Variants in ALDOB observed in about 807,000 individuals in gnomAD.
The protein encoded by ALDOB is aldolase, fructose-bisphosphate B, also known as fructose-bisphosphate aldolase B.
Under a neutral mutation model 41.0 loss-of-function variants are expected in ALDOB, and 39 were observed. The observed-to-expected ratio is 0.95, with a 90% CI of 0.74 to 1.24. The LOEUF (loss-of-function observed/expected upper bound fraction) is 1.24, where lower values mean the gene tolerates loss of function less well. Among genes scored for constraint, ALDOB ranks in the 50% most tolerant of loss-of-function variants. The pLI, the probability that ALDOB is intolerant of heterozygous loss-of-function variation, is 0.00. For synonymous variants in ALDOB, 175 were observed against 168.8 expected (o/e 1.04, Z -0.28); for missense variants, 530 against 457.3 (o/e 1.16, Z -1.45).
chr9:101,430,745 G>A (rs1245579643), intron 2 of ALDOB, 31 bp downstream of exon 2: 11 of 1,482,816 alleles, frequency 7.4e-6, no homozygotes, highest in African/African-American at 1.4e-5. Flanking sequence ...ATAATATGTT[G>A]TTATATGATG....
At position 101,425,025 on chromosome 9, in the gene ALDOB, C is replaced by T. The variant is rs775515266; in HGVS notation, c.817G>A (p.Gly273Ser). The change falls in exon 8 of 9, where the codon GGT (glycine) becomes AGT (serine). Residue 273 changes from glycine (G) to serine (S), a missense_variant. By Grantham distance (56) the Gly-to-Ser change is moderately conservative. Coordinates refer to ENST00000647789, the MANE Select transcript of ALDOB (RefSeq NM_000035.4). ...AAVPGICFLS[G>S]GMSEEDATLN... ...GTGGCATCCTCTTCACTCATGCCAC[C>T]AGACAAAAAGCAGATGCCTGGTAGG... 1 of 1,614,180 alleles carries T rather than the reference C, an allele frequency of 6.2e-7. No individual in the cohort carries two copies. The highest frequency in any genetic ancestry group is 1.1e-5 in the South Asian group (1 of 91,078).
At chr9:101,431,023 G>T in intron 1 of ALDOB, 126 bp from the exon 2 acceptor site, 2 of 714,598 alleles carry the variant, frequency 2.8e-6, no homozygotes, top group Non-Finnish European at 5.1e-6. Context: ...CATTTCCACA[G>T]GTGGATAAGC....
At chr9:101,423,246 C>T (rs1239863848) in intron 8 of ALDOB, among the ~76,000 whole-genome samples, 2 of 152,206 alleles carry the variant, frequency 1.3e-5, no homozygotes, top group Non-Finnish European at 2.9e-5. Context: ...GATTCCTTGC[C>T]TAGCTTCCTC....
At chr9:101,425,396 T>C in intron 7 of ALDOB, 57 bp downstream of exon 7, 1 of 1,590,644 alleles carries the variant, frequency 6.3e-7, no homozygotes, top group East Asian at 2.2e-5. Context: ...AGAAAGCTTG[T>C]GGCTCTCCAA....
chr9:101,425,394 T>C, intron 7 of ALDOB, 59 bp downstream of exon 7: 1 of 1,587,976 alleles, frequency 6.3e-7, no homozygotes, highest in South Asian at 1.1e-5. Flanking sequence ...ACAGAAAGCT[T>C]GTGGCTCTCC....
intron 7 of ALDOB, 79 bp downstream of exon 7, chr9:101,425,374 T>C (rs1302895845): frequency 6.5e-7 from 1 of 1,543,770 alleles, no homozygotes; most frequent in East Asian, 2.2e-5. Context: ...AGAAGCAGAT[T>C]TCTGGACAAA....
rs773439417 is a variant in ALDOB at position 101,425,433 on chromosome 9, G to C, written c.799+20C>G. 4 of 1,613,654 alleles carry C rather than the reference G, an allele frequency of 2.5e-6. No individual in the cohort carries two copies. The highest frequency in any genetic ancestry group is 8.5e-7 in the Non-Finnish European group (1 of 1,179,602). On this transcript the variant is annotated intron_variant, in intron 7 of 8. Transcript: ENST00000647789. The stretch of plus-strand genomic sequence containing the variant: ...GAATGAGGGCTAAGACCTTGAGTTA[G>C]AGAAGAAAGAAGGCCTTACCAGGAA...
Position 101,428,532 on chromosome 9 carries a change from A to T in ALDOB, c.325-9T>A. The T allele has an allele frequency of 2.5e-6, 4 of 1,611,436 alleles. No individual in the cohort carries two copies. Among genetic ancestry groups the T allele is most frequent in the Non-Finnish European group, 3.4e-6 (4 of 1,177,480 alleles). On this transcript the variant is annotated splice_polypyrimidine_tract_variant and intron_variant, in intron 3 of 8. Transcript: ENST00000647789. The stretch of plus-strand genomic sequence containing the variant: ...GCACCTCCTTGGTCTAACTGTGGAT[A>T]CAAATAATTAACAGGTGTCAGATGT...
rs774860216 is a variant in ALDOB at position 101,421,768 on chromosome 9, C to G, written c.*41G>C. 1 of 1,563,338 alleles carries G rather than the reference C, an allele frequency of 6.4e-7. No individual in the cohort carries two copies. The highest frequency in any genetic ancestry group is 2.2e-5 in the East Asian group (1 of 44,668). On this transcript the variant is annotated 3_prime_UTR_variant, in exon 9 of 9. Coordinates refer to ENST00000647789, the MANE Select transcript of ALDOB (RefSeq NM_000035.4). ...GGAAAAGTTGCTCCCTTTCAGCCCT[C>G]CTACTAGAAGCACTGGAGCTAGGCT...
chr9:101,424,791 C>T (rs904641585), intron 8 of ALDOB, 52 bp downstream of exon 8: 67 of 1,602,504 alleles, frequency 4.2e-5, no homozygotes, highest in Non-Finnish European at 5.6e-5. Context: ...GTTGGAAAGT[C>T]AAGCCCCAAA....
intron 6 of ALDOB, 97 bp from the exon 7 acceptor site, chr9:101,425,724 A>G: frequency 7.4e-7 from 1 of 1,349,242 alleles, no homozygotes; most frequent in Non-Finnish European, 1.1e-6. Context: ...GGATGAAGGA[A>G]TTCTTATTTG....
chr9:101,422,882 A>G (rs1831068995), intron 8 of ALDOB, among the ~76,000 whole-genome samples: 1 of 152,240 alleles, frequency 6.6e-6, no homozygotes, highest in Non-Finnish European at 1.5e-5. Flanking sequence ...ACAGATCTAT[A>G]CAATTATTGT....
In ALDOB at chr9:101,424,999, A is replaced by C. The variant is rs17852653; in HGVS notation, c.843T>G (p.Thr281=). The C allele has an allele frequency of 6.2e-7, 1 of 1,614,188 alleles. No individual in the cohort carries two copies. The highest frequency in any genetic ancestry group is 1.3e-5 in the African/African-American group (1 of 75,050). Residue 281 remains threonine, a synonymous_variant, in exon 8 of 9, where the codon ACT becomes ACG. Coordinates refer to ENST00000647789, the MANE Select transcript of ALDOB (RefSeq NM_000035.4). ...LSGGMSEEDA[T]LNLNAINLCP... ...AAAGGTTGATAGCATTGAGGTTGAGAGTGGCATCCTCTTCACTCATGCCAC... is the reference window on the plus strand; with the variant it reads ...AAAGGTTGATAGCATTGAGGTTGAGCGTGGCATCCTCTTCACTCATGCCAC...
intron 3 of ALDOB, among the ~76,000 whole-genome samples, chr9:101,429,400 C>G (rs184280777): frequency 9.9e-4 from 151 of 152,274 alleles, no homozygotes; most frequent in African/African-American, 3.4e-3. Context: ...CTCAAGCGAT[C>G]CTCTTGCCTC....
At chr9:101,431,540 C>T (rs1335785597) in intron 1 of ALDOB, among the ~76,000 whole-genome samples, 1 of 152,200 alleles carries the variant, frequency 6.6e-6, no homozygotes, top group Non-Finnish European at 1.5e-5. Context: ...TTGGGTTTCT[C>T]ACTGCCTATG....
intron 2 of ALDOB, among the ~76,000 whole-genome samples, chr9:101,430,505 T>C (rs1831200994): frequency 6.6e-6 from 1 of 152,184 alleles, no homozygotes; most frequent in Non-Finnish European, 1.5e-5. Context: ...GTATCTGACC[T>C]TATGCTAGTT....
rs754791588 is a variant in ALDOB at position 101,425,581 on chromosome 9, A to G, written c.671T>C (p.Leu224Pro). The G allele has an allele frequency of 2.5e-6, 4 of 1,614,210 alleles. No individual in the cohort carries two copies. Among genetic ancestry groups the G allele is most frequent in the Non-Finnish European group, 3.4e-6 (4 of 1,180,044 alleles). The change falls in exon 7 of 9, where the codon CTG (leucine) becomes CCG (proline). Residue 224 changes from leucine to proline, a missense_variant. Transcript: ENST00000647789. Reference protein sequence around the residue: ...YKALNDHHVYLEGTLLKPNMV... With the variant: ...YKALNDHHVYPEGTLLKPNMV... ...GTTGGGCTTTAGCAGGGTGCCCTCC[A>G]GGTAAACATGATGGTCATTCAGGGC...
intron 8 of ALDOB, 24 bp downstream of exon 8, chr9:101,424,819 A>T: frequency 1.9e-6 from 3 of 1,611,346 alleles, no homozygotes; most frequent in Non-Finnish European, 2.5e-6. Context: ...ATCATCAAGT[A>T]GATAAGAGGT....
Position 101,424,855 on chromosome 9 carries a change from C to A in ALDOB, c.987G>T (p.Met329Ile). 1 of 1,613,154 alleles carries A rather than the reference C, an allele frequency of 6.2e-7. No homozygotes were observed. The highest frequency in any genetic ancestry group is 8.5e-7 in the Non-Finnish European group (1 of 1,180,036). Reference protein sequence around the residue: ...ANKEATQEAFMKRAMANCQAA... With the variant: ...ANKEATQEAFIKRAMANCQAA... ...GGCAGCATCTTACCATGGCCCGCTT[C>A]ATAAAAGCCTCCTGGGTTGCCTCCT... Residue 329 changes from methionine to isoleucine, a missense_variant, in exon 8 of 9, where the codon ATG becomes ATT. Physicochemically the swap from Met to Ile is conservative, Grantham distance 10. Coordinates refer to ENST00000647789, the MANE Select transcript of ALDOB (RefSeq NM_000035.4).
Sources: gnomAD v4.1 joint callset for allele counts (sites outside exome capture counted in the v4.1 genomes callset) on GRCh38, gnomAD v4.1.1 for gene constraint, MANE v1.5 for transcripts, NCBI Gene and HGNC (gene_info 2026-07-23, HGNC 2026-07-21) for gene names.